ABCA13: variants seen among roughly 807,000 people sequenced by gnomAD.
ABCA13 encodes the protein ATP binding cassette subfamily A member 13.
ABCA13 carries 476 observed loss-of-function variants against 478.7 expected under a neutral mutation model. The ratio of observed to expected loss-of-function variants is 0.99; its 90% CI spans 0.92 to 1.07. The LOEUF (loss-of-function observed/expected upper bound fraction) is 1.07, where lower values mean the gene tolerates loss of function less well. Among genes scored for constraint, ABCA13 ranks in the 50% least tolerant of loss-of-function variants. The pLI is 0.00. For missense variants in ABCA13, 6,060 were observed against 5,910.6 expected (o/e 1.03, Z -0.83); for synonymous variants, 2,252 against 2,158.9 (o/e 1.04, Z -1.20).
At chr7:48,308,214 T>C (rs1406433536) in intron 23 of ABCA13, among the ~76,000 whole-genome samples, 1 of 152,180 alleles carries the variant, frequency 6.6e-6, no homozygotes, top group East Asian at 1.9e-4. Context: ...TGAATACCAC[T>C]GTCTTCCACT....
rs1809128231 is a variant in ABCA13 at position 48,352,220 on chromosome 7, G to C, written c.10421G>C (p.Arg3474Thr). The change falls in exon 31 of 62, where the codon AGA becomes ACA. Residue 3474 changes from arginine (R) to threonine (T), a missense_variant. Arg to Thr is a moderately conservative substitution (Grantham distance 71). This residue lies in a region of ABCA13 where 4,423 missense variants were observed against 4,309.1 expected (regional missense o/e 1.03). Coordinates refer to ENST00000435803, the MANE Select transcript of ABCA13 (RefSeq NM_152701.5). ...AATTCCTTATTCGACAAGAACTTCA[G>C]ATCAGAGTCTGTCAAACTGCCACCC... ...FSNSLFDKNFRSESVKLPPHV... is the reference protein window; with the variant it reads ...FSNSLFDKNFTSESVKLPPHV... The C allele has an allele frequency of 1.9e-6, 3 of 1,609,836 alleles. No homozygotes were observed. Among genetic ancestry groups the C allele is most frequent in the East Asian group, 4.5e-5 (2 of 44,846 alleles).
chr7:48,329,137 C>T (rs759148054), intron 27 of ABCA13, among the ~76,000 whole-genome samples: 2 of 152,152 alleles, frequency 1.3e-5, no homozygotes, highest in South Asian at 2.1e-4. Context: ...AAAGAAAGAA[C>T]GTGGATAGTA....
At chr7:48,299,575 T>C (rs1252660134) in intron 23 of ABCA13, among the ~76,000 whole-genome samples, 1 of 152,184 alleles carries the variant, frequency 6.6e-6, no homozygotes, top group Non-Finnish European at 1.5e-5. Context: ...TGGTTTAAAA[T>C]CTTTAGTTAT....
intron 41 of ABCA13, among the ~76,000 whole-genome samples, chr7:48,423,193 A>G (rs1820998339): frequency 6.6e-6 from 1 of 152,184 alleles, no homozygotes; most frequent in Non-Finnish European, 1.5e-5. Context: ...AGTTGCTAGT[A>G]CCTCTAGTGT....
intron 59 of ABCA13, among the ~76,000 whole-genome samples, chr7:48,630,148 A>T (rs1794047172): frequency 1.3e-5 from 2 of 152,060 alleles, no homozygotes; most frequent in Non-Finnish European, 2.9e-5. Context: ...CAAGGATAAA[A>T]TGTCTTTTAT....
intron 24 of ABCA13, among the ~76,000 whole-genome samples, chr7:48,311,824 A>G (rs1402151392): frequency 2.0e-5 from 3 of 152,190 alleles, no homozygotes; most frequent in Non-Finnish European, 2.9e-5. Context: ...TCCCAAGTCC[A>G]TGTACTTTCT....
At position 48,313,163 on chromosome 7, in the gene ABCA13, G is replaced by C. The variant is rs1475824363; in HGVS notation, c.9613G>C (p.Glu3205Gln). The C allele has an allele frequency of 1.9e-6, 3 of 1,612,872 alleles. No individual in the cohort carries two copies. The African/African-American group carries it at 4.0e-5, about 22-fold the overall frequency. ...ALLAKAQHVF[E>Q]YLPEFLHTFK... ...GCTTGCCAAAGCCCAGCACGTCTTT[G>C]AGTATCTTCCTGAGTTTCTTCACAC... The change falls in exon 25 of 62, where the codon GAG (glutamate) becomes CAG (glutamine). Residue 3205 changes from glutamate to glutamine, a missense_variant. Around this residue, in one of 3 missense-constraint regions of ABCA13, gnomAD observed 4,423 missense variants for 4,309.1 expected, o/e 1.03. Coordinates refer to ENST00000435803, the MANE Select transcript of ABCA13 (RefSeq NM_152701.5).
At chr7:48,454,756 C>CA (rs1825453990) in intron 42 of ABCA13, among the ~76,000 whole-genome samples, 1 of 151,530 alleles carries the variant, frequency 6.6e-6, no homozygotes, top group African/African-American at 2.4e-5. Flanking sequence ...AGGAGCAGCC[C>CA]AGGTGTGTCG....
chr7:48,363,867 C>T (rs1376074650), intron 31 of ABCA13, among the ~76,000 whole-genome samples: 1 of 152,016 alleles, frequency 6.6e-6, no homozygotes, highest in Non-Finnish European at 1.5e-5. Flanking sequence ...GAGGGGCTTG[C>T]CTTGTTTAAA....
intron 55 of ABCA13, among the ~76,000 whole-genome samples, chr7:48,563,621 G>A (rs989641385): frequency 2.0e-5 from 3 of 152,124 alleles, no homozygotes; most frequent in Admixed American, 6.6e-5. Flanking sequence ...CATAGAGGAA[G>A]GGCAACTTTC....
chr7:48,565,981 A>G (rs1787015561), intron 55 of ABCA13, among the ~76,000 whole-genome samples: 1 of 152,184 alleles, frequency 6.6e-6, no homozygotes, highest in Non-Finnish European at 1.5e-5. Context: ...TAACCTTCCT[A>G]TAAAGTATGG....
chr7:48,350,207 G>T (rs1808743257), intron 29 of ABCA13, among the ~76,000 whole-genome samples: 1 of 152,152 alleles, frequency 6.6e-6, no homozygotes, highest in African/African-American at 2.4e-5. Context: ...TTAATAAAAT[G>T]ACTTTCCCAA....
rs1159975599 is a variant in ABCA13, at chr7:48,455,067, A to G, written c.12596A>G (p.Gln4199Arg). 6.5e-7 allele frequency: 1 copy of G among 1,540,654 alleles called. No individual in the cohort carries two copies. The change falls in exon 43 of 62, where the codon CAG (glutamine) becomes CGG (arginine). Residue 4199 changes from glutamine to arginine, a missense_variant. Transcript: ENST00000435803. ...TCCCTAGCACGGCCCGCAACTGTGCAGGGCGTCCAGCTGCTCCGCGCACAA... is the reference window on the plus strand; with the variant it reads ...TCCCTAGCACGGCCCGCAACTGTGCGGGGCGTCCAGCTGCTCCGCGCACAA... ...CGSLARPATVQGVQLLRAQVA... is the reference protein window; with the variant it reads ...CGSLARPATVRGVQLLRAQVA...
intron 19 of ABCA13, among the ~76,000 whole-genome samples, chr7:48,286,804 A>G (rs926649912): frequency 7.9e-5 from 12 of 152,216 alleles, no homozygotes; most frequent in Non-Finnish European, 1.8e-4. Flanking sequence ...TGCCTGGCTC[A>G]GAACTTTTTA....
At chr7:48,193,255 T>C (rs994138475) in intron 2 of ABCA13, among the ~76,000 whole-genome samples, 1 of 152,214 alleles carries the variant, frequency 6.6e-6, no homozygotes. Flanking sequence ...TTCACACAGG[T>C]TCACTCAATC....
chr7:48,182,687 A>T (rs910157971), intron 1 of ABCA13, among the ~76,000 whole-genome samples: 3 of 152,218 alleles, frequency 2.0e-5, no homozygotes, highest in African/African-American at 7.2e-5. Flanking sequence ...GGAGAAAAAA[A>T]TTGGTTTATT....
At chr7:48,473,136 C>T (rs1038538944) in intron 45 of ABCA13, among the ~76,000 whole-genome samples, 6 of 152,172 alleles carry the variant, frequency 3.9e-5, no homozygotes, top group African/African-American at 1.4e-4. Flanking sequence ...GGAACCACCC[C>T]CGTGTTCAGT....
At chr7:48,566,893 C>T (rs1432233603) in intron 55 of ABCA13, among the ~76,000 whole-genome samples, 2 of 152,162 alleles carry the variant, frequency 1.3e-5, no homozygotes, top group East Asian at 3.8e-4. Flanking sequence ...GTACTGACCT[C>T]TACTGTGGTT....
At chr7:48,393,258 A>G (rs1816337860) in intron 38 of ABCA13, among the ~76,000 whole-genome samples, 1 of 152,220 alleles carries the variant, frequency 6.6e-6, no homozygotes, top group South Asian at 2.1e-4. Flanking sequence ...TCGATTCAGC[A>G]AACAGTGGTA....
Sources: gnomAD v4.1 joint callset for allele counts (sites outside exome capture counted in the v4.1 genomes callset) on GRCh38, gnomAD v4.1.1 for gene constraint, gnomAD v4.1.1 regional missense constraint, MANE v1.5 for transcripts, NCBI Gene and HGNC (gene_info 2026-07-23, HGNC 2026-07-21) for gene names.